DR1: variants seen among roughly 807,000 people sequenced by gnomAD.
DR1 encodes down-regulator of transcription 1.
DR1 carries 7 observed loss-of-function variants against 19.9 expected under a neutral mutation model. The ratio of observed to expected loss-of-function variants is 0.35; its 90% CI spans 0.20 to 0.66. The LOEUF (loss-of-function observed/expected upper bound fraction) is 0.66, where lower values mean the gene tolerates loss of function less well. Ranked by LOEUF, DR1 falls within the 30% of genes least tolerant of loss-of-function variation. The probability of loss-of-function intolerance (pLI) is 0.66; values close to 1 mark genes in which losing one functional copy is unlikely to be tolerated. For synonymous variants in DR1, 76 were observed against 72.5 expected (o/e 1.05, Z -0.24); for missense variants, 98 against 203.7 (o/e 0.48, Z 3.16).
At chr1:93,352,633 G>A (rs1365274562) in intron 1 of DR1, among the ~76,000 whole-genome samples, 1 of 152,176 alleles carries the variant, frequency 6.6e-6, no homozygotes, top group Non-Finnish European at 1.5e-5. Flanking sequence ...GCAAATCCCT[G>A]AAGTTAGAAG....
In DR1 at chr1:93,360,466, A is replaced by AT. The variant is rs199636805; in HGVS notation, c.385-18dup. On this transcript the variant is annotated intron_variant, in intron 2 of 2. Transcript: ENST00000370272. Reference sequence around the variant, plus strand: ...TATTGTGGGTTTGTAAAAAATTGTTATTTTTTTTTATGTTTTGGGTGTTTA... The same window carrying AT: ...TATTGTGGGTTTGTAAAAAATTGTTATTTTTTTTTTATGTTTTGGGTGTTTA... 1.3e-3 allele frequency: 1,934 copies of AT among 1,518,174 alleles called. 12 individuals are homozygous for AT. In the African/African-American group the frequency reaches 0.018, roughly 14 times the overall value. The allele number at this position is 1,518,174 out of a possible 1,614,324, so 94.0% of individuals were successfully genotyped here.
intron 1 of DR1, among the ~76,000 whole-genome samples, chr1:93,352,737 C>T (rs369337594): frequency 3.9e-5 from 6 of 152,122 alleles, no homozygotes; most frequent in East Asian, 1.9e-4. Context: ...TTTTTTGCCA[C>T]CTATGTTTCA....
chr1:93,353,882 A>G (rs763432317), intron 1 of DR1, 26 bp from the exon 2 acceptor site: 17 of 1,571,640 alleles, frequency 1.1e-5, no homozygotes, highest in Non-Finnish European at 1.3e-5. Context: ...TCACCCTTTC[A>G]TATTTTAATA....
intron 2 of DR1, among the ~76,000 whole-genome samples, chr1:93,358,844 CT>C (rs1667023022): frequency 6.6e-6 from 1 of 152,070 alleles, no homozygotes; most frequent in Non-Finnish European, 1.5e-5. Flanking sequence ...ACATCTATCT[CT>C]TGATTATACA....
At chr1:93,351,000 A>G (rs1176252912) in intron 1 of DR1, among the ~76,000 whole-genome samples, 2 of 152,214 alleles carry the variant, frequency 1.3e-5, no homozygotes, top group African/African-American at 4.8e-5. Context: ...ATGGCCCTCT[A>G]GTATGTTGTG....
chr1:93,361,765 A>G lies in DR1; in HGVS notation c.*1126A>G, dbSNP rs1388579586. ...TTATGTTACAACTGATCAGCCCTATATGAATTAACTGATCAGCCCTATATG... is the reference window on the plus strand; with the variant it reads ...TTATGTTACAACTGATCAGCCCTATGTGAATTAACTGATCAGCCCTATATG... On this transcript the variant is annotated 3_prime_UTR_variant, in exon 3 of 3. Transcript: ENST00000370272. The G allele has an allele frequency of 1.3e-5, 2 of 152,482 alleles. No individual in the cohort carries two copies. The highest frequency in any genetic ancestry group is 1.9e-4 in the East Asian group (1 of 5,204). The allele number at this position is 152,482 out of a possible 1,614,324, so 9.4% of individuals were successfully genotyped here.
In DR1 at chr1:93,346,400, C is replaced by T. The variant is rs1666838955; in HGVS notation, c.-246C>T. 1 of 521,742 alleles carries T rather than the reference C, an allele frequency of 1.9e-6. No homozygotes were observed. Among genetic ancestry groups the T allele is most frequent in the Admixed American group, 3.2e-5 (1 of 31,024 alleles). 32.3% of individuals were successfully genotyped at this position (521,742 alleles called of 1,614,324 possible). On this transcript the variant is annotated 5_prime_UTR_variant, in exon 1 of 3. Transcript: ENST00000370272. ...ACCACCGCGCTTTCCCCTCCTCAGC[C>T]TGGGCTGTGCTCTCTCTAGAATCCT...
In DR1 at chr1:93,346,162, AGGCGGCGGCAACGGCTGCTGGC is replaced by A; in HGVS notation, c.-473_-452del. The A allele has an allele frequency of 4.5e-6, 1 of 224,622 alleles. No homozygotes were observed. The highest frequency in any genetic ancestry group is 8.8e-6 in the Non-Finnish European group (1 of 113,474). The allele number at this position is 224,622 out of a possible 1,614,324, so 13.9% of individuals were successfully genotyped here. A position where few individuals can be genotyped will look rare whatever the true frequency, so the allele number is the denominator to read the frequency against. ...GGGTGTCTGAAGGATGGTTTGGCCG[AGGCGGCGGCAACGGCTGCTGGC>A]GGCGGCGGCAGCGGCAGCGGGGCCT... On this transcript the variant is annotated 5_prime_UTR_variant, in exon 1 of 3. The change abolishes the stop of an existing upstream ORF in the 5' untranslated region. Coordinates refer to ENST00000370272, the MANE Select transcript of DR1 (RefSeq NM_001938.3).
At chr1:93,357,372 G>A (rs1667001488) in intron 2 of DR1, among the ~76,000 whole-genome samples, 1 of 152,084 alleles carries the variant, frequency 6.6e-6, no homozygotes, top group African/African-American at 2.4e-5. Context: ...CAAGCAAGGT[G>A]GCACCTTCCT....
rs1486976476 is a variant in DR1, at chr1:93,364,621, T to A, written c.*3982T>A. 6.6e-6 allele frequency: 1 copy of A among 152,086 alleles called. No homozygotes were observed. Among genetic ancestry groups the A allele is most frequent in the Non-Finnish European group, 1.5e-5 (1 of 68,016 alleles). 9.4% of individuals were successfully genotyped at this position (152,086 alleles called of 1,614,324 possible). A position where few individuals can be genotyped will look rare whatever the true frequency, so the allele number is the denominator to read the frequency against. ...CAAGTCCTACCCCACCTCCTCTGTTTTTCACCATCCCCCAGGATATAAAGT... is the reference window on the plus strand; with the variant it reads ...CAAGTCCTACCCCACCTCCTCTGTTATTCACCATCCCCCAGGATATAAAGT... On this transcript the variant is annotated 3_prime_UTR_variant, in exon 3 of 3. Coordinates refer to ENST00000370272, the MANE Select transcript of DR1 (RefSeq NM_001938.3).
Position 93,362,836 on chromosome 1 carries a change from T to C in DR1, c.*2197T>C, listed in dbSNP as rs1292198132. The C allele has an allele frequency of 9.4e-3, 1,100 of 116,888 alleles. 12 individuals carry two copies. The highest frequency in any genetic ancestry group is 0.03 in the African/African-American group (1,041 of 34,326). The allele number at this position is 116,888 out of a possible 1,614,324, so 7.2% of individuals were successfully genotyped here. ...ATTTTTAGGTTTTTTCTTTTTTTTT[T>C]TTTTTTTTTTTTTTTTTTAGCATTT... On this transcript the variant is annotated 3_prime_UTR_variant, in exon 3 of 3. Transcript: ENST00000370272.
chr1:93,360,349 A>G, intron 2 of DR1, 144 bp from the exon 3 acceptor site: 2 of 665,362 alleles, frequency 3.0e-6, no homozygotes, highest in Non-Finnish European at 4.7e-6. Context: ...TGTTCTCCAG[A>G]TGTGTGACAA....
chr1:93,363,704 T>TTTGCCATATAAGTGACATTCACAGG lies in DR1; in HGVS notation c.*3068_*3092dup, dbSNP rs1667086802. 6.6e-6 allele frequency: 1 copy of TTTGCCATATAAGTGACATTCACAGG among 152,250 alleles called. No individual in the cohort carries two copies. The highest frequency in any genetic ancestry group is 2.1e-4 in the South Asian group (1 of 4,838). The allele number at this position is 152,250 out of a possible 1,614,324, so 9.4% of individuals were successfully genotyped here. A position where few individuals can be genotyped will look rare whatever the true frequency, so the allele number is the denominator to read the frequency against. On this transcript the variant is annotated 3_prime_UTR_variant, in exon 3 of 3. Transcript: ENST00000370272. Reference sequence around the variant, plus strand: ...ATTTAATCACATCTGCAGAATCTCTTTTGCCATATAAGTGACATTCACAGG... The same window carrying TTTGCCATATAAGTGACATTCACAGG: ...ATTTAATCACATCTGCAGAATCTCTTTTGCCATATAAGTGACATTCACAGGTTGCCATATAAGTGACATTCACAGG...
rs531280418 is a variant in DR1 at position 93,367,288 on chromosome 1, T to A, written c.*6649T>A. The A allele has an allele frequency of 1.9e-4, 29 of 152,260 alleles. No homozygotes were observed. Among genetic ancestry groups the A allele is most frequent in the African/African-American group, 7.0e-4 (29 of 41,568 alleles). The allele number at this position is 152,260 out of a possible 1,614,324, so 9.4% of individuals were successfully genotyped here. On this transcript the variant is annotated 3_prime_UTR_variant, in exon 3 of 3. Coordinates refer to ENST00000370272, the MANE Select transcript of DR1 (RefSeq NM_001938.3). ...TTTTAAGGAGCACCTCCTACCACCA[T>A]GCAGTTCAAAAACAAAAAATAAGAA... is the stretch of plus-strand genomic sequence containing the variant.
intron 2 of DR1, among the ~76,000 whole-genome samples, chr1:93,359,140 A>AT (rs1251043714): frequency 1.8e-4 from 28 of 152,092 alleles, no homozygotes; most frequent in East Asian, 7.7e-4. Flanking sequence ...ATAACAAATG[A>AT]TTTTTTTTAA....
rs1434271669 is a variant in DR1, at chr1:93,369,400, T to C, written c.*8761T>C. On this transcript the variant is annotated 3_prime_UTR_variant, in exon 3 of 3. Transcript: ENST00000370272. ...AAGCAGAGGTAATGTCTGTTACTAT[T>C]TTCAGCTCCCTTTTTCTGTCCACTG... is the stretch of plus-strand genomic sequence containing the variant. 1 of 152,214 alleles carries C rather than the reference T, an allele frequency of 6.6e-6. No individual in the cohort carries two copies. The highest frequency in any genetic ancestry group is 6.5e-5 in the Admixed American group (1 of 15,282). 9.4% of individuals were successfully genotyped at this position (152,214 alleles called of 1,614,324 possible). A position where few individuals can be genotyped will look rare whatever the true frequency, so the allele number is the denominator to read the frequency against.
At chr1:93,357,014 G>A (rs1231942008) in intron 2 of DR1, among the ~76,000 whole-genome samples, 1 of 152,094 alleles carries the variant, frequency 6.6e-6, no homozygotes, top group African/African-American at 2.4e-5. Context: ...GAGCCACCGC[G>A]CCCGGCCTTA....
Position 93,363,011 on chromosome 1 carries a change from A to G in DR1, c.*2372A>G, listed in dbSNP as rs184816986. Reference sequence around the variant, plus strand: ...TATGTTATATATTCTTTTTCGGCAGATTATCAGATTAGTAAGTGTTTAAAA... The same window carrying G: ...TATGTTATATATTCTTTTTCGGCAGGTTATCAGATTAGTAAGTGTTTAAAA... On this transcript the variant is annotated 3_prime_UTR_variant, in exon 3 of 3. Transcript: ENST00000370272. The G allele has an allele frequency of 1.3e-5, 2 of 151,852 alleles. No homozygotes were observed. Among genetic ancestry groups the G allele is most frequent in the Non-Finnish European group, 1.5e-5 (1 of 67,872 alleles). The allele number at this position is 151,852 out of a possible 1,614,324, so 9.4% of individuals were successfully genotyped here.
Position 93,368,133 on chromosome 1 carries a change from C to G in DR1, c.*7494C>G, listed in dbSNP as rs1015220813. 1.3e-5 allele frequency: 2 copies of G among 152,150 alleles called. No homozygotes were observed. The highest frequency in any genetic ancestry group is 2.9e-5 in the Non-Finnish European group (2 of 68,044). 9.4% of individuals were successfully genotyped at this position (152,150 alleles called of 1,614,324 possible). The stretch of plus-strand genomic sequence containing the variant: ...ATGTTATTTCATTTGTTTATTTCCT[C>G]TGTGAGGGTAAGTATTGATAGTCCA... On this transcript the variant is annotated 3_prime_UTR_variant, in exon 3 of 3. Transcript: ENST00000370272.
Sources: gnomAD v4.1 joint callset for allele counts (sites outside exome capture counted in the v4.1 genomes callset) on GRCh38, gnomAD v4.1.1 for gene constraint, MANE v1.5 for transcripts, NCBI Gene and HGNC (gene_info 2026-07-23, HGNC 2026-07-21) for gene names.